USP34: variants seen among roughly 807,000 people sequenced by gnomAD.
USP34 encodes ubiquitin specific peptidase 34, also known as ubiquitin carboxyl-terminal hydrolase 34.
Under a neutral mutation model 460.3 loss-of-function variants are expected in USP34, and 70 were observed. The ratio of observed to expected loss-of-function variants is 0.15; its 90% CI spans 0.13 to 0.19. The LOEUF (loss-of-function observed/expected upper bound fraction) is 0.19, where lower values mean the gene tolerates loss of function less well. Ranked by LOEUF, USP34 falls within the 10% of genes least tolerant of loss-of-function variation. The pLI, the probability that USP34 is intolerant of heterozygous loss-of-function variation, is 1.00. For missense variants in USP34, 3,985 were observed against 4,236.2 expected, an observed-to-expected ratio of 0.94 and a Z score of 1.65; for synonymous variants, 1,647 against 1,405.3, an observed-to-expected ratio of 1.17 and a Z score of -3.85.
intron 1 of USP34, among the ~76,000 whole-genome samples, chr2:61,459,807 C>T (rs559852043): frequency 6.7e-6 from 1 of 149,952 alleles, no homozygotes; most frequent in East Asian, 2.0e-4. Context: ...CACCTGTAAT[C>T]GTAGCACTTT....
chr2:61,379,600 A>G (rs1002374108), intron 7 of USP34, among the ~76,000 whole-genome samples: 2 of 152,234 alleles, frequency 1.3e-5, no homozygotes, highest in African/African-American at 4.8e-5. Flanking sequence ...CGGAGAAAGC[A>G]TATTCATTCT....
intron 10 of USP34, among the ~76,000 whole-genome samples, chr2:61,368,495 C>T (rs1053744085): frequency 2.0e-5 from 3 of 151,698 alleles, no homozygotes; most frequent in African/African-American, 7.3e-5. Context: ...GATAGCTGGC[C>T]CACAGACTAT....
At chr2:61,457,949 G>A (rs1231115871) in intron 1 of USP34, among the ~76,000 whole-genome samples, 1 of 152,082 alleles carries the variant, frequency 6.6e-6, no homozygotes, top group Non-Finnish European at 1.5e-5. Context: ...TGATATATCC[G>A]AGAAAACAGG....
intron 29 of USP34, among the ~76,000 whole-genome samples, chr2:61,299,206 C>A (rs1014474634): frequency 3.9e-5 from 6 of 152,096 alleles, no homozygotes; most frequent in Non-Finnish European, 7.4e-5. Context: ...CATTATCAAA[C>A]ACATCATGGA....
At chr2:61,385,095 T>C (rs1416224766) in intron 5 of USP34, among the ~76,000 whole-genome samples, 1 of 152,164 alleles carries the variant, frequency 6.6e-6, no homozygotes, top group Non-Finnish European at 1.5e-5. Context: ...TTCTTATTAT[T>C]TGTTCCTGAG....
At chr2:61,231,003 A>G (rs1235608782) in intron 58 of USP34, among the ~76,000 whole-genome samples, 1 of 152,250 alleles carries the variant, frequency 6.6e-6, no homozygotes, top group South Asian at 2.1e-4. Flanking sequence ...TCAAATATTC[A>G]GCTGATGAAC....
chr2:61,188,168 C>A lies in USP34; in HGVS notation c.10575G>T (p.Arg3525Ser). ...QQHDILDTLCRTIESTIHVVT... is the reference protein window; with the variant it reads ...QQHDILDTLCSTIESTIHVVT... ...CGACATGGATTGTAGATTCAATGGT[C>A]CTACACAGGGTATCTAAAATGTCAT... Residue 3525 changes from arginine to serine, a missense_variant, in exon 80 of 80, where the codon AGG becomes AGT. By Grantham distance (110) the Arg-to-Ser change is moderately radical. Around this residue, in one of 14 missense-constraint regions of USP34, gnomAD observed 506 missense variants for 439.0 expected, o/e 1.15. Transcript: ENST00000398571. 6.2e-7 allele frequency: 1 copy of A among 1,614,100 alleles called. No individual in the cohort carries two copies. Among genetic ancestry groups the A allele is most frequent in the Non-Finnish European group, 8.5e-7 (1 of 1,180,028 alleles).
rs184889482 is a variant in USP34 at position 61,267,832 on chromosome 2, G to A, written c.5434-1665C>T. ...GGGGTTTCACTGTGTTAGCCAGGAT[G>A]GTCTCGATCTCCCGACTTCGTGATC... On this transcript the variant is annotated intron_variant, in intron 41 of 79. Transcript: ENST00000398571. 2.6e-4 allele frequency among the ~76,000 whole-genome samples: 39 copies of A among 152,196 alleles called. No homozygotes were observed. In the Middle Eastern group the frequency reaches 0.01, roughly 40 times the overall value.
chr2:61,229,941 G>C (rs1357457491), intron 58 of USP34, among the ~76,000 whole-genome samples: 3 of 152,078 alleles, frequency 2.0e-5, no homozygotes, highest in Non-Finnish European at 4.4e-5. Flanking sequence ...AGAAAATCTA[G>C]TATCCAATTC....
At chr2:61,406,178 T>C (rs1026421189) in intron 2 of USP34, 50 bp from the exon 3 acceptor site, 4 of 1,380,864 alleles carry the variant, frequency 2.9e-6, no homozygotes, top group East Asian at 2.5e-5. Context: ...AGCAGCTGTA[T>C]TTTTTAATAA....
chr2:61,360,898 CAGA>C (rs1425232182), intron 10 of USP34, among the ~76,000 whole-genome samples: 2 of 152,170 alleles, frequency 1.3e-5, no homozygotes, highest in East Asian at 3.8e-4. Context: ...CTCAAGCTAT[CAGA>C]AGTTAGCTCC....
chr2:61,275,380 G>A (rs1230112710), intron 41 of USP34, among the ~76,000 whole-genome samples: 1 of 151,834 alleles, frequency 6.6e-6, no homozygotes, highest in Admixed American at 6.6e-5. Flanking sequence ...AGTTTGGGAG[G>A]CCAAGACGGG....
At chr2:61,371,851 T>C in intron 8 of USP34, among the ~76,000 whole-genome samples, 1 of 152,094 alleles carries the variant, frequency 6.6e-6, no homozygotes, top group East Asian at 1.9e-4. Flanking sequence ...TTTCTACAGT[T>C]AGATATGTTT....
chr2:61,443,336 C>G (rs1455759519), intron 1 of USP34, among the ~76,000 whole-genome samples: 2 of 152,042 alleles, frequency 1.3e-5, no homozygotes, highest in Non-Finnish European at 2.9e-5. Flanking sequence ...GATGAATACA[C>G]TAATTACCCT....
intron 53 of USP34, among the ~76,000 whole-genome samples, chr2:61,240,847 T>C (rs1572863179): frequency 6.6e-6 from 1 of 152,184 alleles, no homozygotes; most frequent in African/African-American, 2.4e-5. Flanking sequence ...GTGCTGGGAT[T>C]ATAGGCATGA....
chr2:61,435,364 C>G (rs1036183955), intron 1 of USP34, among the ~76,000 whole-genome samples: 3 of 117,472 alleles, frequency 2.6e-5, no homozygotes, highest in African/African-American at 9.5e-5. Context: ...AGCATCAAGT[C>G]ACAAATAAAA....
chr2:61,328,527 T>C (rs1289843159), intron 20 of USP34, among the ~76,000 whole-genome samples: 1 of 152,114 alleles, frequency 6.6e-6, no homozygotes, highest in Non-Finnish European at 1.5e-5. Flanking sequence ...CCTGAAGGAA[T>C]AGGGAAATTG....
chr2:61,296,897 T>C lies in USP34; in HGVS notation c.4157A>G (p.His1386Arg), dbSNP rs749313893. Residue 1386 changes from histidine (H) to arginine (R), a missense_variant, in exon 30 of 80, where the codon CAT (histidine) becomes CGT (arginine). By Grantham distance (29) the His-to-Arg change is conservative. Around this residue, in one of 14 missense-constraint regions of USP34, gnomAD observed 1,114 missense variants for 1,122.5 expected, o/e 0.99. Coordinates refer to ENST00000398571, the MANE Select transcript of USP34 (RefSeq NM_014709.4). Reference protein sequence around the residue: ...ESLRCEELHLHAENLSRRVWE... With the variant: ...ESLRCEELHLRAENLSRRVWE... ...GACCCGCCTAGACAGATTTTCTGCA[T>C]GAAGATGAAGTTCTTCACATCGTAA... is the stretch of plus-strand genomic sequence containing the variant. The C allele has an allele frequency of 1.2e-6, 2 of 1,613,876 alleles. No homozygotes were observed. Among genetic ancestry groups the C allele is most frequent in the South Asian group, 2.2e-5 (2 of 91,044 alleles).
chr2:61,202,935 A>G (rs1211486620), intron 75 of USP34, among the ~76,000 whole-genome samples: 1 of 152,132 alleles, frequency 6.6e-6, no homozygotes, highest in Non-Finnish European at 1.5e-5. Flanking sequence ...AGGCCAGCTG[A>G]AACTCTGGGC....
Sources: gnomAD v4.1 joint callset for allele counts (sites outside exome capture counted in the v4.1 genomes callset) on GRCh38, gnomAD v4.1.1 for gene constraint, gnomAD v4.1.1 regional missense constraint, MANE v1.5 for transcripts, NCBI Gene and HGNC (gene_info 2026-07-23, HGNC 2026-07-21) for gene names.